SLC19A3: variants seen among roughly 807,000 people sequenced by gnomAD.
The protein encoded by SLC19A3 is thiamine transporter 2.
A neutral mutation model predicts 40.2 loss-of-function variants in SLC19A3; 31 were observed. The observed-to-expected ratio is 0.77, with a 90% CI of 0.58 to 1.04. The LOEUF (loss-of-function observed/expected upper bound fraction) is 1.04, where lower values mean the gene tolerates loss of function less well. SLC19A3 is among the 50% of genes least tolerant of loss of function. SLC19A3 has a pLI of 0.00. For missense variants in SLC19A3, 592 were observed against 596.7 expected (o/e 0.99, Z 0.08); for synonymous variants, 212 against 227.5 (o/e 0.93, Z 0.61).
At chr2:227,702,395 A>ATT (rs71039629) in intron 1 of SLC19A3, 75 bp from the exon 2 acceptor site, 222 of 1,057,200 alleles carry the variant, frequency 2.1e-4, no homozygotes, top group East Asian at 3.2e-4. Context: ...TGAAAACCTG[A>ATT]TTTTTTTTTT....
At chr2:227,695,182 A>G (rs570718329) in intron 4 of SLC19A3, among the ~76,000 whole-genome samples, 3 of 152,352 alleles carry the variant, frequency 2.0e-5, no homozygotes, top group Admixed American at 6.5e-5. Context: ...CTTTTGTGTC[A>G]TAAAAGTATG....
rs772110523 is a variant in SLC19A3, at chr2:227,696,062, T to C, written c.999A>G (p.Ala333=). The C allele has an allele frequency of 5.6e-6, 9 of 1,598,446 alleles. No homozygotes were observed. The highest frequency in any genetic ancestry group is 1.4e-5 in the African/African-American group (1 of 69,914). ...ATFGGAVAAF[A]VGYVKVNWDL... The stretch of plus-strand genomic sequence containing the variant: ...CCCAGTTGACTTTCACATAACCCAC[T>C]GCAAAGGCAGCCACAGCCCCTGAAA... The change falls in exon 4 of 6, where the codon GCA becomes GCG. Residue 333 remains alanine, a synonymous_variant. Coordinates refer to ENST00000644224, the MANE Select transcript of SLC19A3 (RefSeq NM_025243.4).
Position 227,687,278 on chromosome 2 carries a change from A to G in SLC19A3, c.*119T>C. 1 of 1,076,082 alleles carries G rather than the reference A, an allele frequency of 9.3e-7. No homozygotes were observed. The highest frequency in any genetic ancestry group is 1.3e-6 in the Non-Finnish European group (1 of 742,432). 66.7% of individuals were successfully genotyped at this position (1,076,082 alleles called of 1,614,324 possible). A position where few individuals can be genotyped will look rare whatever the true frequency, so the allele number is the denominator to read the frequency against. On this transcript the variant is annotated 3_prime_UTR_variant, in exon 6 of 6. Coordinates refer to ENST00000644224, the MANE Select transcript of SLC19A3 (RefSeq NM_025243.4). ...GTTTTGTTGTGGTTTTGAAAGGTCC[A>G]TTGGAATCCAGATTTGCAAAGCATG...
chr2:227,717,859 A>G, intron 1 of SLC19A3, 84 bp downstream of exon 1: 1 of 966,660 alleles, frequency 1.0e-6, no homozygotes, highest in Non-Finnish European at 1.2e-6. Flanking sequence ...CAGCTCTCCA[A>G]ACCCGGGAAG....
rs34080459 is a variant in SLC19A3 at position 227,702,277 on chromosome 2, G to A, written c.42C>T (p.Tyr14=). ...CAAATAAGCAGAGGATCACAGTGGG[G>A]TAAATCCAGGAACTGCTTAGTGAAG... ...YRTSLSSSWI[Y]PTVILCLFGF... Residue 14 remains tyrosine (Y), a synonymous_variant, in exon 2 of 6, where the codon TAC becomes TAT. Transcript: ENST00000644224. 2.8e-3 allele frequency: 4,533 copies of A among 1,614,048 alleles called. 105 individuals are homozygous for A. In the African/African-American group the frequency reaches 0.053, roughly 19 times the overall value.
At chr2:227,688,038 T>C (rs1695086116) in intron 5 of SLC19A3, 128 bp downstream of exon 5, 1 of 1,025,310 alleles carries the variant, frequency 9.8e-7, no homozygotes, top group East Asian at 2.5e-5. Flanking sequence ...TGTTATAATA[T>C]GATAATGAAG....
At chr2:227,708,455 C>T (rs55991438) in intron 1 of SLC19A3, among the ~76,000 whole-genome samples, 24,001 of 151,960 alleles carry the variant, frequency 0.16, 2,437 homozygotes, top group South Asian at 0.33. Flanking sequence ...ACCTGGCAGC[C>T]GGACACGGTG....
At chr2:227,705,960 A>T (rs2106336804) in intron 1 of SLC19A3, among the ~76,000 whole-genome samples, 1 of 152,100 alleles carries the variant, frequency 6.6e-6, no homozygotes, top group South Asian at 2.1e-4. Flanking sequence ...AGGTGAGAGG[A>T]TGACTTTAGC....
In SLC19A3 at chr2:227,698,894, G is replaced by A. The variant is rs906111441; in HGVS notation, c.821C>T (p.Ser274Phe). The A allele has an allele frequency of 3.1e-6, 5 of 1,613,960 alleles. No individual in the cohort carries two copies. Among genetic ancestry groups the A allele is most frequent in the Middle Eastern group, 1.6e-4 (1 of 6,084 alleles). The change falls in exon 3 of 6, where the codon TCC (serine) becomes TTC (phenylalanine). Residue 274 changes from serine to phenylalanine, a missense_variant. By Grantham distance (155) the Ser-to-Phe change is radical (BLOSUM62 -2). Transcript: ENST00000644224. ...QWFQDLKECY[S>F]SKRLFYWSLW... is the part of the protein sequence containing the mutation. ...AGACCAGTAGAAAAGACGTTTTGAGGAGTAGCACTCCTTCAAATCTTGGAA... is the reference window on the plus strand; with the variant it reads ...AGACCAGTAGAAAAGACGTTTTGAGAAGTAGCACTCCTTCAAATCTTGGAA...
rs137852958 is a variant in SLC19A3 at position 227,698,757 on chromosome 2, C to A, written c.958G>T (p.Glu320Ter). Residue 320 changes from glutamate (E) to a stop codon, truncating the protein, a stop_gained, in exon 3 of 6, where the codon GAA (glutamate) becomes TAA (stop). Coordinates refer to ENST00000644224, the MANE Select transcript of SLC19A3 (RefSeq NM_025243.4). LOFTEE classifies it high-confidence loss of function. ...TTACCTCCAAAGGTTGCAATAGCTT[C>A]TACGGCCCCATTATAGATGGAAGAA... ...QDSSIYNGAVEAIATFGGAVA... is the reference protein window; with the variant it reads ...QDSSIYNGAV 2 of 1,613,778 alleles carry A rather than the reference C, an allele frequency of 1.2e-6. No homozygotes were observed. Among genetic ancestry groups the A allele is most frequent in the African/African-American group, 1.3e-5 (1 of 74,934 alleles).
chr2:227,711,819 G>A (rs1696149531), intron 1 of SLC19A3, among the ~76,000 whole-genome samples: 1 of 152,018 alleles, frequency 6.6e-6, no homozygotes, highest in Non-Finnish European at 1.5e-5. Flanking sequence ...GGAGGCCGAG[G>A]TAGGTGGATT....
intron 1 of SLC19A3, among the ~76,000 whole-genome samples, chr2:227,717,209 C>T (rs1696364170): frequency 6.6e-6 from 1 of 151,988 alleles, no homozygotes; most frequent in Non-Finnish European, 1.5e-5. Context: ...CATCCCAGGG[C>T]CAAGCTGGTC....
chr2:227,695,320 A>G (rs78444508), intron 4 of SLC19A3, among the ~76,000 whole-genome samples: 6,251 of 152,092 alleles, frequency 0.041, 425 homozygotes, highest in African/African-American at 0.14. Context: ...CCTGACAATG[A>G]TGCCAGATGT....
At position 227,717,969 on chromosome 2, in the gene SLC19A3, A is replaced by T. The variant is rs901715278; in HGVS notation, c.-29T>A. The stretch of plus-strand genomic sequence containing the variant: ...TACAGAAGGGAGTGTCTGTTCACCA[A>T]ATCGCTCACTTGCCGCACGACCACG... On this transcript the variant is annotated 5_prime_UTR_variant, in exon 1 of 6. It adds an upstream start codon to the 5' untranslated region. Transcript: ENST00000644224. The T allele has an allele frequency of 1.0e-6, 1 of 985,100 alleles. No individual in the cohort carries two copies. The highest frequency in any genetic ancestry group is 1.2e-6 in the Non-Finnish European group (1 of 829,946). 61.0% of individuals were successfully genotyped at this position (985,100 alleles called of 1,614,324 possible).
chr2:227,693,128 C>A (rs974873266), intron 4 of SLC19A3, among the ~76,000 whole-genome samples: 1 of 152,220 alleles, frequency 6.6e-6, no homozygotes, highest in Non-Finnish European at 1.5e-5. Flanking sequence ...CTATCCAAAG[C>A]AATTTACAGA....
intron 1 of SLC19A3, among the ~76,000 whole-genome samples, chr2:227,713,614 C>T (rs1460481012): frequency 6.6e-6 from 1 of 152,032 alleles, no homozygotes; most frequent in Non-Finnish European, 1.5e-5. Flanking sequence ...GATACCTGCG[C>T]CACCTTGGGA....
chr2:227,690,432 G>T (rs1695176887), intron 4 of SLC19A3, among the ~76,000 whole-genome samples: 1 of 152,042 alleles, frequency 6.6e-6, no homozygotes, highest in African/African-American at 2.4e-5. Flanking sequence ...ATACGGCCAG[G>T]CGCGGTGGCT....
chr2:227,698,870 GACC>G lies in SLC19A3; in HGVS notation c.842_844del (p.Trp281del). 2 of 1,614,140 alleles carry G rather than the reference GACC, an allele frequency of 1.2e-6. No homozygotes were observed. The highest frequency in any genetic ancestry group is 1.7e-6 in the Non-Finnish European group (2 of 1,180,006). ...TGCTGTGGCGAAAGCCCACCATAGA[GACC>G]AGTAGAAAAGACGTTTTGAGGAGTA... On this transcript the variant is annotated inframe_deletion, in exon 3 of 6. Transcript: ENST00000644224.
At chr2:227,694,605 G>T (rs953425923) in intron 4 of SLC19A3, among the ~76,000 whole-genome samples, 1 of 151,828 alleles carries the variant, frequency 6.6e-6, no homozygotes, top group Non-Finnish European at 1.5e-5. Context: ...ATTTTTTTTG[G>T]TTAATAGCAA....
Sources: gnomAD v4.1 joint callset for allele counts (sites outside exome capture counted in the v4.1 genomes callset) on GRCh38, gnomAD v4.1.1 for gene constraint, MANE v1.5 for transcripts, NCBI Gene and HGNC (gene_info 2026-07-23, HGNC 2026-07-21) for gene names.